COL8A1: variants seen among roughly 807,000 people sequenced by gnomAD.
The protein encoded by COL8A1 is collagen alpha-1(VIII) chain.
A neutral mutation model predicts 42.7 loss-of-function variants in COL8A1; 21 were observed. The ratio of observed to expected loss-of-function variants is 0.49; its 90% CI spans 0.35 to 0.71. COL8A1 has a LOEUF of 0.71. COL8A1 is among the 30% of genes least tolerant of loss of function. The pLI is 0.01. For synonymous variants in COL8A1, 367 were observed against 369.1 expected (o/e 0.99, Z 0.06); for missense variants, 788 against 962.4 (o/e 0.82, Z 2.40).
chr3:99,662,074 T>C (rs1027298891), intron 1 of COL8A1, among the ~76,000 whole-genome samples: 28 of 152,162 alleles, frequency 1.8e-4, no homozygotes, highest in African/African-American at 6.8e-4. Context: ...CATTGAACTG[T>C]ACACTTAAAA....
chr3:99,709,155 C>T (rs1284480447), intron 1 of COL8A1, among the ~76,000 whole-genome samples: 7 of 152,054 alleles, frequency 4.6e-5, no homozygotes, highest in South Asian at 4.2e-4. Context: ...CTCATCCTTT[C>T]GACCTTTTTC....
intron 2 of COL8A1, among the ~76,000 whole-genome samples, chr3:99,778,380 A>G (rs1028267292): frequency 5.3e-5 from 8 of 152,236 alleles, no homozygotes; most frequent in Admixed American, 1.3e-4. Flanking sequence ...GTAGAGAGAG[A>G]GAGAACTTCA....
chr3:99,783,282 C>G (rs1481747597), intron 2 of COL8A1, among the ~76,000 whole-genome samples: 2 of 152,230 alleles, frequency 1.3e-5, no homozygotes, highest in Non-Finnish European at 2.9e-5. Flanking sequence ...GCGCTGGGGG[C>G]ACAACCTAAT....
rs1942055355 is a variant in COL8A1, at chr3:99,794,142, G to A, written c.329-88G>A. On this transcript the variant is annotated intron_variant, in intron 3 of 3. Coordinates refer to ENST00000652472, the MANE Select transcript of COL8A1 (RefSeq NM_020351.4). The surrounding 1 kb of genome is among the most constrained non-coding windows in gnomAD (Gnocchi z 4.3). The stretch of plus-strand genomic sequence containing the variant: ...AATGTGTCAGAACTAAATAATGGTT[G>A]TCAGTACTTCATTGATGTGAGAGAC... 2 of 793,832 alleles carry A rather than the reference G, an allele frequency of 2.5e-6. No individual in the cohort carries two copies. The highest frequency in any genetic ancestry group is 1.7e-5 in the African/African-American group (1 of 57,620). 49.2% of individuals were successfully genotyped at this position (793,832 alleles called of 1,614,324 possible).
chr3:99,738,080 G>C (rs369620040), intron 1 of COL8A1, among the ~76,000 whole-genome samples: 3 of 152,000 alleles, frequency 2.0e-5, no homozygotes, highest in Admixed American at 6.6e-5. Context: ...GCTCCATCAG[G>C]TCCTTTAAGC....
intron 1 of COL8A1, among the ~76,000 whole-genome samples, chr3:99,704,152 G>C (rs1273602802): frequency 1.3e-5 from 2 of 152,028 alleles, no homozygotes; most frequent in African/African-American, 4.8e-5. Context: ...TGTAACTACA[G>C]ATACATAAAT....
chr3:99,647,359 A>G (rs975609423), intron 1 of COL8A1, among the ~76,000 whole-genome samples: 1 of 152,228 alleles, frequency 6.6e-6, no homozygotes, highest in Non-Finnish European at 1.5e-5. Context: ...TAAGATATGT[A>G]GAGAGATTTC....
chr3:99,756,529 A>G (rs981423060), intron 2 of COL8A1, among the ~76,000 whole-genome samples: 1 of 152,158 alleles, frequency 6.6e-6, no homozygotes, highest in African/African-American at 2.4e-5. Context: ...CTTAGCTCCT[A>G]ACTATTTCAA....
chr3:99,750,149 TG>T (rs1348080827), intron 2 of COL8A1, among the ~76,000 whole-genome samples: 1 of 139,310 alleles, frequency 7.2e-6, no homozygotes, highest in Non-Finnish European at 1.5e-5. Context: ...CTCCACCTCC[TG>T]GGTTCAAGCA....
At chr3:99,747,849 A>G (rs896942092) in intron 2 of COL8A1, among the ~76,000 whole-genome samples, 1 of 152,238 alleles carries the variant, frequency 6.6e-6, no homozygotes, top group Non-Finnish European at 1.5e-5. Context: ...AAGAAATTTT[A>G]AAACTAGCTT....
At chr3:99,728,880 C>T (rs1336547956) in intron 1 of COL8A1, among the ~76,000 whole-genome samples, 4 of 151,944 alleles carry the variant, frequency 2.6e-5, no homozygotes, top group African/African-American at 9.7e-5. Context: ...AAGAAGACTT[C>T]CTGCCATGTT....
intron 1 of COL8A1, among the ~76,000 whole-genome samples, chr3:99,700,283 C>CT (rs1249021542): frequency 6.6e-6 from 1 of 150,940 alleles, no homozygotes; most frequent in African/African-American, 2.4e-5. Context: ...TATCCTGTTG[C>CT]TTTTTTTATT....
intron 1 of COL8A1, among the ~76,000 whole-genome samples, chr3:99,737,889 A>C (rs1940777573): frequency 6.6e-6 from 1 of 150,712 alleles, no homozygotes; most frequent in Non-Finnish European, 1.5e-5. Flanking sequence ...TGGTCTTTTC[A>C]CATAGTCCCA....
At chr3:99,742,686 C>T (rs550879076) in intron 1 of COL8A1, among the ~76,000 whole-genome samples, 1 of 152,308 alleles carries the variant, frequency 6.6e-6, no homozygotes, top group Admixed American at 6.5e-5. Context: ...TAGGCATCTT[C>T]ACTGTTTTTT....
chr3:99,695,281 G>T (rs1003297869), intron 1 of COL8A1, among the ~76,000 whole-genome samples: 1 of 152,072 alleles, frequency 6.6e-6, no homozygotes, highest in African/African-American at 2.4e-5. Flanking sequence ...CACAAAACAT[G>T]TTAATCTTAA....
chr3:99,735,463 G>T (rs1359810016), intron 1 of COL8A1, among the ~76,000 whole-genome samples: 1 of 129,430 alleles, frequency 7.7e-6, no homozygotes, highest in Non-Finnish European at 1.6e-5. Flanking sequence ...TTATTGATTT[G>T]CATATATTGA....
intron 2 of COL8A1, among the ~76,000 whole-genome samples, chr3:99,749,605 A>C (rs1474825182): frequency 6.6e-6 from 1 of 152,170 alleles, no homozygotes; most frequent in Non-Finnish European, 1.5e-5. Flanking sequence ...GTCACTATTC[A>C]TGTTCTAAAG....
chr3:99,694,682 T>C (rs979566488), intron 1 of COL8A1, among the ~76,000 whole-genome samples: 1 of 152,220 alleles, frequency 6.6e-6, no homozygotes, highest in East Asian at 1.9e-4. Context: ...CTTCAATTCT[T>C]TGCTACCTGC....
chr3:99,737,032 T>A (rs1940743132), intron 1 of COL8A1, among the ~76,000 whole-genome samples: 1 of 152,198 alleles, frequency 6.6e-6, no homozygotes, highest in Admixed American at 6.5e-5. Context: ...AAAGTCTGTT[T>A]TATCAGAGAC....
Sources: allele counts gnomAD v4.1 joint callset (sites outside exome capture counted in the v4.1 genomes callset), GRCh38; gene constraint gnomAD v4.1.1; non-coding constraint Gnocchi (gnomAD v3.1); transcripts MANE v1.5; gene names NCBI Gene and HGNC (gene_info 2026-07-23, HGNC 2026-07-21).